The following PRDM16 variants were observed in gnomAD, a reference collection of about 807,000 sequenced individuals.
PRDM16 encodes the protein PR/SET domain 16, also known as histone-lysine N-methyltransferase PRDM16.
In PRDM16, 23 loss-of-function variants were observed where a neutral mutation model predicts 110.6. The observed-to-expected ratio is 0.21, with a 90% CI of 0.15 to 0.29. The LOEUF is 0.29. Among genes scored for constraint, PRDM16 ranks in the 10% least tolerant of loss-of-function variants. The pLI is 1.00. For synonymous variants in PRDM16, 799 were observed against 781.8 expected (o/e 1.02, Z -0.37); for missense variants, 1,615 against 1,794.3 (o/e 0.90, Z 1.81).
chr1:3,261,182 G>T (rs534113716), intron 3 of PRDM16, among the ~76,000 whole-genome samples: 1 of 150,862 alleles, frequency 6.6e-6, no homozygotes, highest in Non-Finnish European at 1.5e-5. Flanking sequence ...TGTCCCTCAC[G>T]CCCTGGTCCT....
At chr1:3,375,187 T>G (rs997763945) in intron 3 of PRDM16, among the ~76,000 whole-genome samples, 14 of 152,122 alleles carry the variant, frequency 9.2e-5, no homozygotes, top group Non-Finnish European at 5.9e-5. Flanking sequence ...AGGGCCTGTG[T>G]GACTCAGAGG....
intron 3 of PRDM16, among the ~76,000 whole-genome samples, chr1:3,341,688 T>G (rs2100514604): frequency 6.6e-6 from 1 of 152,352 alleles, no homozygotes; most frequent in East Asian, 1.9e-4. Context: ...GGTTTTGAGT[T>G]TTGATATTTT....
intron 2 of PRDM16, among the ~76,000 whole-genome samples, chr1:3,240,553 G>A (rs549783684): frequency 1.3e-5 from 2 of 152,320 alleles, no homozygotes; most frequent in South Asian, 2.1e-4. Context: ...CCTCCGCACC[G>A]GGCTCCGTCC....
rs558683652 is a variant in PRDM16 at position 3,213,400 on chromosome 1, G to A, written c.387+26926G>A. ...CGGGATGGCGGGTCCTGGGCGTCTCGGCTCCGCCATTGTCATTAATTATAA... is the reference window on the plus strand; with the variant it reads ...CGGGATGGCGGGTCCTGGGCGTCTCAGCTCCGCCATTGTCATTAATTATAA... On this transcript the variant is annotated intron_variant, in intron 2 of 16. Coordinates refer to ENST00000270722, the MANE Select transcript of PRDM16 (RefSeq NM_022114.4). The surrounding 1 kb of genome is among the most constrained non-coding windows in gnomAD (Gnocchi z 5.3). Among the ~76,000 whole-genome samples the A allele has an allele frequency of 3.3e-5, 5 of 152,278 alleles. No homozygotes were observed. The highest frequency in any genetic ancestry group is 2.1e-4 in the South Asian group (1 of 4,824).
chr1:3,315,381 G>T (rs1641578333), intron 3 of PRDM16, among the ~76,000 whole-genome samples: 1 of 152,136 alleles, frequency 6.6e-6, no homozygotes. Flanking sequence ...TTTAAAGTTT[G>T]CCTGAATTAT....
At chr1:3,360,474 C>T (rs1369666465) in intron 3 of PRDM16, among the ~76,000 whole-genome samples, 1 of 152,234 alleles carries the variant, frequency 6.6e-6, no homozygotes, top group Non-Finnish European at 1.5e-5. Flanking sequence ...AGGCACCAGA[C>T]CTGCCAGTGA....
At position 3,434,872 on chromosome 1, in the gene PRDM16, C is replaced by T. The variant is rs896823418; in HGVS notation, c.*1061C>T. ...CCTTGGCCACGTCCTGGGTCTCCCA[C>T]CTCCCACCTGACCCCAGCGGCTCCG... On this transcript the variant is annotated 3_prime_UTR_variant, in exon 17 of 17. Transcript: ENST00000270722. The T allele has an allele frequency of 2.2e-5, 5 of 232,028 alleles. No homozygotes were observed. Among genetic ancestry groups the T allele is most frequent in the African/African-American group, 6.6e-5 (3 of 45,282 alleles). 14.4% of individuals were successfully genotyped at this position (232,028 alleles called of 1,614,324 possible).
intron 7 of PRDM16, 31 bp downstream of exon 7, chr1:3,404,917 C>T (rs905745527): frequency 5.6e-6 from 9 of 1,606,104 alleles, no homozygotes; most frequent in Admixed American, 1.7e-5. Context: ...GTCTCAGCCC[C>T]GGGGCAGCAG....
chr1:3,093,848 C>T (rs1366546382), intron 1 of PRDM16, among the ~76,000 whole-genome samples: 3 of 152,114 alleles, frequency 2.0e-5, no homozygotes, highest in Admixed American at 6.5e-5. Flanking sequence ...GGGGAACGTG[C>T]GGGGGTCTGT....
chr1:3,365,841 T>A (rs1356313733), intron 3 of PRDM16, among the ~76,000 whole-genome samples: 1 of 152,230 alleles, frequency 6.6e-6, no homozygotes, highest in Non-Finnish European at 1.5e-5. Flanking sequence ...TTTGTGGGGC[T>A]GCAGGGACGA....
At chr1:3,196,646 C>A (rs935102698) in intron 2 of PRDM16, among the ~76,000 whole-genome samples, 1 of 152,198 alleles carries the variant, frequency 6.6e-6, no homozygotes, top group Non-Finnish European at 1.5e-5. Context: ...AGACCCCCAC[C>A]CAATTCCAGG....
At chr1:3,310,729 G>A (rs746648501) in intron 3 of PRDM16, among the ~76,000 whole-genome samples, 9 of 152,212 alleles carry the variant, frequency 5.9e-5, no homozygotes, top group Non-Finnish European at 1.3e-4. Context: ...CATGGCCCTG[G>A]CGTGGAGTGT....
chr1:3,411,010 G>C (rs1479156868), intron 8 of PRDM16, among the ~76,000 whole-genome samples: 1 of 152,196 alleles, frequency 6.6e-6, no homozygotes, highest in Non-Finnish European at 1.5e-5. Flanking sequence ...CCCCCGATCT[G>C]TGCTGGTCAC....
At position 3,229,036 on chromosome 1, in the gene PRDM16, G is replaced by A. The variant is rs1424588221; in HGVS notation, c.388-15051G>A. On this transcript the variant is annotated intron_variant, in intron 2 of 16. Coordinates refer to ENST00000270722, the MANE Select transcript of PRDM16 (RefSeq NM_022114.4). The stretch of plus-strand genomic sequence containing the variant: ...CTATTTCTGTAGCTCTTCAAGATGA[G>A]CCTTCCTGGGTGAATGCCTTCGCAG... 2.0e-5 allele frequency among the ~76,000 whole-genome samples: 3 copies of A among 152,362 alleles called. No individual in the cohort carries two copies. In the East Asian group the frequency reaches 5.8e-4, roughly 29 times the overall value.
At chr1:3,234,069 T>C (rs1639482334) in intron 2 of PRDM16, among the ~76,000 whole-genome samples, 1 of 152,076 alleles carries the variant, frequency 6.6e-6, no homozygotes, top group Non-Finnish European at 1.5e-5. Flanking sequence ...TGGATGTGAC[T>C]TTCGGGGTTT....
chr1:3,181,059 C>T (rs1057201988), intron 1 of PRDM16, among the ~76,000 whole-genome samples: 56 of 133,978 alleles, frequency 4.2e-4, no homozygotes, highest in Non-Finnish European at 7.3e-4. Flanking sequence ...GTCTTACACG[C>T]GGTCTTACAC....
intron 1 of PRDM16, among the ~76,000 whole-genome samples, chr1:3,149,864 G>A (rs1363652776): frequency 6.6e-6 from 1 of 152,218 alleles, no homozygotes; most frequent in Non-Finnish European, 1.5e-5. Flanking sequence ...CAGGGACACG[G>A]GTTTTCTGAG....
intron 2 of PRDM16, among the ~76,000 whole-genome samples, chr1:3,186,791 A>T (rs551881101): frequency 6.6e-6 from 1 of 152,180 alleles, no homozygotes; most frequent in Non-Finnish European, 1.5e-5. Flanking sequence ...CCATCGCGGC[A>T]GGGCAGGGAG....
chr1:3,120,868 G>T (rs1643079110), intron 1 of PRDM16, among the ~76,000 whole-genome samples: 1 of 152,198 alleles, frequency 6.6e-6, no homozygotes, highest in Non-Finnish European at 1.5e-5. Flanking sequence ...GCTTCTGCAG[G>T]GATTTGCAGA....
Sources: allele counts gnomAD v4.1 joint callset (sites outside exome capture counted in the v4.1 genomes callset), GRCh38; gene constraint gnomAD v4.1.1; non-coding constraint Gnocchi (gnomAD v3.1); transcripts MANE v1.5; gene names NCBI Gene and HGNC (gene_info 2026-07-23, HGNC 2026-07-21).